DENND1A: variants seen among roughly 807,000 people sequenced by gnomAD.
The protein encoded by DENND1A is DENN domain-containing protein 1A.
Under a neutral mutation model 113.7 loss-of-function variants are expected in DENND1A, and 51 were observed. The ratio of observed to expected loss-of-function variants is 0.45; its 90% confidence interval spans 0.36 to 0.57. The LOEUF (loss-of-function observed/expected upper bound fraction) is 0.57. Among genes scored for constraint, DENND1A ranks in the 20% least tolerant of loss-of-function variants. The probability of loss-of-function intolerance (pLI) is 0.00; values close to 1 mark genes in which losing one functional copy is unlikely to be tolerated. For missense variants in DENND1A, 1,258 were observed against 1,395.9 expected (o/e 0.90, Z 1.57); for synonymous variants, 565 against 570.8 (o/e 0.99, Z 0.14).
chr9:123,826,770 T>A (rs1046773441), intron 2 of DENND1A, among the ~76,000 whole-genome samples: 1 of 152,236 alleles, frequency 6.6e-6, no homozygotes, highest in African/African-American at 2.4e-5. Context: ...CTCACCCATT[T>A]ATCAGGTGTG....
chr9:123,423,248 G>T (rs560344110), intron 19 of DENND1A, among the ~76,000 whole-genome samples: 2 of 152,280 alleles, frequency 1.3e-5, no homozygotes, highest in South Asian at 4.2e-4. Flanking sequence ...CAGGGCTCCG[G>T]TAAGAGTCCC....
At chr9:123,459,763 T>C (rs1284943386) in intron 13 of DENND1A, among the ~76,000 whole-genome samples, 1 of 152,156 alleles carries the variant, frequency 6.6e-6, no homozygotes, top group East Asian at 1.9e-4. Flanking sequence ...ACTATTTTAA[T>C]GAGTTGCATG....
intron 2 of DENND1A, among the ~76,000 whole-genome samples, chr9:123,822,453 G>C (rs187454693): frequency 2.0e-5 from 3 of 152,330 alleles, no homozygotes; most frequent in Non-Finnish European, 4.4e-5. Context: ...TAGAAGGGGG[G>C]AAATTAGTAA....
chr9:123,799,807 C>T (rs539853784), intron 2 of DENND1A, among the ~76,000 whole-genome samples: 1 of 152,156 alleles, frequency 6.6e-6, no homozygotes, highest in Non-Finnish European at 1.5e-5. Context: ...GGATAAAAGG[C>T]CAATTTCCAA....
intron 13 of DENND1A, among the ~76,000 whole-genome samples, chr9:123,531,259 G>A (rs963386794): frequency 6.6e-6 from 1 of 152,070 alleles, no homozygotes; most frequent in Non-Finnish European, 1.5e-5. Flanking sequence ...CCACTTCGTA[G>A]AAGGTTTGTT....
At chr9:123,469,429 C>A (rs890560880) in intron 13 of DENND1A, among the ~76,000 whole-genome samples, 6 of 152,256 alleles carry the variant, frequency 3.9e-5, no homozygotes, top group African/African-American at 7.2e-5. Flanking sequence ...CCCACACGCG[C>A]TTGCTAGATT....
At chr9:123,761,411 A>G (rs1276735567) in intron 4 of DENND1A, among the ~76,000 whole-genome samples, 1 of 152,248 alleles carries the variant, frequency 6.6e-6, no homozygotes, top group African/African-American at 2.4e-5. Flanking sequence ...TGTGAAAACT[A>G]AAACTCACAT....
chr9:123,484,593 T>G (rs2050630491), intron 13 of DENND1A, among the ~76,000 whole-genome samples: 1 of 152,166 alleles, frequency 6.6e-6, no homozygotes, highest in Non-Finnish European at 1.5e-5. Flanking sequence ...TGCCTGTCCT[T>G]CCTGCCTTGT....
chr9:123,609,452 T>C lies in DENND1A; in HGVS notation c.749A>G (p.His250Arg). 1 of 1,613,770 alleles carries C rather than the reference T, an allele frequency of 6.2e-7. No homozygotes were observed. Among genetic ancestry groups the C allele is most frequent in the Non-Finnish European group, 8.5e-7 (1 of 1,179,874 alleles). ...CCAACTTACCTCCATTAAACTTAAA[T>C]GGATTCCTATGAGGTAGGGCATGGG... ...CAPMPYLIGI[H>R]LSLMEKVRNM... The change falls in exon 11 of 24, where the codon CAT becomes CGT. Residue 250 changes from histidine (H) to arginine (R), a missense_variant. His to Arg is a conservative substitution (Grantham distance 29, BLOSUM62 0). This residue lies in a region of DENND1A where 1,159 missense variants were observed against 1,231.7 expected (regional missense o/e 0.94). Coordinates refer to ENST00000394215, the MANE Select transcript of DENND1A (RefSeq NM_001352964.2).
chr9:123,742,085 C>T (rs555469768), intron 5 of DENND1A, among the ~76,000 whole-genome samples: 4 of 152,298 alleles, frequency 2.6e-5, no homozygotes, highest in East Asian at 1.9e-4. Flanking sequence ...AAGTGCATAG[C>T]GCCCCAACGC....
In DENND1A at chr9:123,481,797, CT is replaced by C. The variant is rs199644080; in HGVS notation, c.994-23901del. On this transcript the variant is annotated intron_variant, in intron 13 of 23. Coordinates refer to ENST00000394215, the MANE Select transcript of DENND1A (RefSeq NM_001352964.2). ...TGCATATTGTCTTTTTTCTTTCTTTCTTTTTTTTTTTTTTTTGAGACAGAGA... is the reference window on the plus strand; with the variant it reads ...TGCATATTGTCTTTTTTCTTTCTTTCTTTTTTTTTTTTTTTGAGACAGAGA... 1.9e-3 allele frequency among the ~76,000 whole-genome samples: 260 copies of C among 138,074 alleles called. 1 individual carries two copies. The highest frequency in any genetic ancestry group is 7.4e-3 in the Middle Eastern group (2 of 270). 90.6% of individuals were successfully genotyped at this position (138,074 alleles called of 152,430 possible). A position where few individuals can be genotyped will look rare whatever the true frequency, so the allele number is the denominator to read the frequency against.
intron 2 of DENND1A, among the ~76,000 whole-genome samples, chr9:123,877,049 T>C (rs1407678116): frequency 6.6e-6 from 1 of 151,576 alleles, no homozygotes; most frequent in Non-Finnish European, 1.5e-5. Flanking sequence ...CTCAGAAGGG[T>C]GGGAGGGGCT....
At chr9:123,417,659 C>T (rs998773683) in intron 19 of DENND1A, among the ~76,000 whole-genome samples, 3 of 152,232 alleles carry the variant, frequency 2.0e-5, no homozygotes, top group African/African-American at 7.2e-5. Flanking sequence ...TGTTAGAGAT[C>T]TGTGCCTCAG....
Position 123,382,594 on chromosome 9 carries a change from C to T in DENND1A, c.2051G>A (p.Arg684His), listed in dbSNP as rs751689270. 2.2e-5 allele frequency: 35 copies of T among 1,614,052 alleles called. No individual in the cohort carries two copies. The highest frequency in any genetic ancestry group is 3.3e-4 in the Middle Eastern group (2 of 6,062). Residue 684 changes from arginine (R) to histidine (H), a missense_variant, in exon 24 of 24, where the codon CGC becomes CAC. Coordinates refer to ENST00000394215, the MANE Select transcript of DENND1A (RefSeq NM_001352964.2). ...AAGCTTCAAGGCCACTGTCACCCCGCGGCTCCTCTCACTCCCGCCCAGATC... is the reference window on the plus strand; with the variant it reads ...AAGCTTCAAGGCCACTGTCACCCCGTGGCTCCTCTCACTCCCGCCCAGATC... The part of the protein sequence containing the change: ...RLDLGGSERS[R>H]GVTVALKLTH...
intron 13 of DENND1A, among the ~76,000 whole-genome samples, chr9:123,549,185 C>T (rs2056889472): frequency 6.6e-6 from 1 of 152,334 alleles, no homozygotes; most frequent in Middle Eastern, 3.4e-3. Context: ...CACAGAGCCT[C>T]ACACAGACAC....
At chr9:123,709,508 G>C (rs1009099701) in intron 5 of DENND1A, among the ~76,000 whole-genome samples, 4 of 152,090 alleles carry the variant, frequency 2.6e-5, no homozygotes, top group Non-Finnish European at 5.9e-5. Context: ...AGAGAACAAT[G>C]TCAGAGGCCT....
chr9:123,676,301 C>T (rs763223564), intron 6 of DENND1A, among the ~76,000 whole-genome samples: 14 of 152,182 alleles, frequency 9.2e-5, no homozygotes, highest in Admixed American at 5.2e-4. Context: ...GGGTAGGTCA[C>T]TTGCTGGTTA....
At chr9:123,392,862 G>A (rs1003036505) in intron 21 of DENND1A, among the ~76,000 whole-genome samples, 7 of 151,960 alleles carry the variant, frequency 4.6e-5, no homozygotes, top group African/African-American at 9.7e-5. Context: ...TCATTCTTAC[G>A]CCTTTGCATC....
Position 123,383,653 on chromosome 9 carries a change from A to G in DENND1A, c.2019+2T>C. The G allele has an allele frequency of 6.2e-7, 1 of 1,612,744 alleles. No individual in the cohort carries two copies. The highest frequency in any genetic ancestry group is 8.5e-7 in the Non-Finnish European group (1 of 1,179,300). ...CGATACCCTCCCTTGCCCATGCCAT[A>G]CCTGATAGTCAAAGGTCCCTGGCTG... On this transcript the variant is annotated splice_donor_variant, in intron 23 of 23. Coordinates refer to ENST00000394215, the MANE Select transcript of DENND1A (RefSeq NM_001352964.2). LOFTEE classifies it high-confidence loss of function.
Sources: allele counts gnomAD v4.1 joint callset (sites outside exome capture counted in the v4.1 genomes callset), GRCh38; gene constraint gnomAD v4.1.1; regional missense constraint gnomAD v4.1.1; transcripts MANE v1.5; gene names NCBI Gene and HGNC (gene_info 2026-07-23, HGNC 2026-07-21).